CAPN12: variants seen among roughly 807,000 people sequenced by gnomAD.
CAPN12 encodes the protein calpain 12.
A neutral mutation model predicts 95.0 loss-of-function variants in CAPN12; 107 were observed. The observed-to-expected ratio is 1.13, with a 90% CI of 0.96 to 1.32. The LOEUF is 1.32. Ranked by LOEUF, CAPN12 falls within the 40% of genes most tolerant of loss-of-function variation. CAPN12 has a pLI of 0.00. For missense variants in CAPN12, 1,136 were observed against 997.8 expected (o/e 1.14, Z -1.87); for synonymous variants, 505 against 415.5 (o/e 1.22, Z -2.62).
rs1482021831 is a variant in CAPN12 at position 38,731,106 on chromosome 19, C to CAGAAGAT, written c.2068_2074dup (p.Cys692TyrfsTer13). ...CCCCACCATGCCGGGGTGGTACTCA[C>CAGAAGAT]AGAAGATGCAGGTGAGGTGGGCCAC... On this transcript the variant is annotated frameshift_variant and splice_region_variant. Coordinates refer to ENST00000328867, the MANE Select transcript of CAPN12 (RefSeq NM_144691.4). LOFTEE classifies it high-confidence loss of function. The CAGAAGAT allele has an allele frequency of 3.1e-6, 5 of 1,610,232 alleles. No homozygotes were observed. The highest frequency in any genetic ancestry group is 4.2e-6 in the Non-Finnish European group (5 of 1,178,900).
chr19:38,734,352 G>A lies in CAPN12; in HGVS notation c.1782C>T (p.Leu594=), dbSNP rs780294054. The change falls in exon 16 of 21, where the codon CTC becomes CTT. Residue 594 remains leucine, a synonymous_variant. Transcript: ENST00000328867. The stretch of plus-strand genomic sequence containing the variant: ...ACTGCAGCAGCTGCTCACAGGTCCT[G>A]AGCCCGATCTCTCTGGGGGTGGAGG... ...AHTSTPREIG[L]RTCEQLLQCF... The A allele has an allele frequency of 3.1e-6, 5 of 1,607,994 alleles. No individual in the cohort carries two copies. The Admixed American group carries it at 8.4e-5, about 27-fold the overall frequency.
At chr19:38,733,842 C>T in intron 17 of CAPN12, 61 bp from the exon 18 acceptor site, 1 of 1,416,702 alleles carries the variant, frequency 7.1e-7, no homozygotes, top group Non-Finnish European at 9.9e-7. Context: ...GCCAATGGGG[C>T]CTCCCAGGCA....
intron 14 of CAPN12, 176 bp downstream of exon 14, chr19:38,735,194 C>T (rs1025837068): frequency 3.0e-6 from 2 of 661,046 alleles, no homozygotes; most frequent in East Asian, 5.5e-5. Flanking sequence ...GGACTGAGCC[C>T]AAGGCCCTGA....
chr19:38,731,153 G>A lies in CAPN12; in HGVS notation c.2028C>T (p.Asp676=). 1 of 1,613,224 alleles carries A rather than the reference G, an allele frequency of 6.2e-7. No individual in the cohort carries two copies. Among genetic ancestry groups the A allele is most frequent in the Non-Finnish European group, 8.5e-7 (1 of 1,180,008 alleles). ...CCACACAGGACACGAACCGCTCGAA[G>A]TCCACACGCAGACGGCTATCCCGGT... is the stretch of plus-strand genomic sequence containing the variant. ...SRYRDSRLRV[D]FERFVSCVAH... is the part of the protein sequence containing the mutation. Residue 676 remains aspartate (D), a synonymous_variant, in exon 19 of 21, where the codon GAC becomes GAT. Transcript: ENST00000328867.
At chr19:38,739,098 T>C (rs754226987) in intron 5 of CAPN12, 4 of 193,232 alleles carry the variant, frequency 2.1e-5, no homozygotes, top group Non-Finnish European at 3.2e-5. Context: ...ACTACTGCAC[T>C]CTGGCCTGGG....
intron 4 of CAPN12, 100 bp downstream of exon 4, chr19:38,741,677 T>G: frequency 1.4e-6 from 2 of 1,445,992 alleles, no homozygotes; most frequent in East Asian, 2.4e-5. Context: ...TGGTGGGGTG[T>G]TTGGAGGATT....
At chr19:38,731,933 C>A (rs528314584) in intron 18 of CAPN12, among the ~76,000 whole-genome samples, 3 of 152,250 alleles carry the variant, frequency 2.0e-5, no homozygotes, top group Non-Finnish European at 1.5e-5. Context: ...TCTTCCTGCC[C>A]GTGTGACCTG....
At chr19:38,739,885 T>C (rs1253454043) in intron 5 of CAPN12, 166 bp downstream of exon 5, 6 of 661,142 alleles carry the variant, frequency 9.1e-6, no homozygotes, top group Non-Finnish European at 1.4e-5. Context: ...CTGAAGCCCC[T>C]GATTCATGAG....
At position 38,738,448 on chromosome 19, in the gene CAPN12, C is replaced by G. The variant is rs532493230; in HGVS notation, c.860G>C (p.Cys287Ser). ...GCTCCAGGCCCCCGTCCACTCCACGCAGCCCCATGGGTTCCGCAGCCGCAG... is the reference window on the plus strand; with the variant it reads ...GCTCCAGGCCCCCGTCCACTCCACGGAGCCCCATGGGTTCCGCAGCCGCAG... ...RLLRLRNPWGCVEWTGAWSDS... is the reference protein window; with the variant it reads ...RLLRLRNPWGSVEWTGAWSDS... Residue 287 changes from cysteine (C) to serine (S), a missense_variant, in exon 7 of 21, where the codon TGC becomes TCC. Cys to Ser is a moderately radical substitution (Grantham distance 112, BLOSUM62 -1). Coordinates refer to ENST00000328867, the MANE Select transcript of CAPN12 (RefSeq NM_144691.4). 1.9e-6 allele frequency: 3 copies of G among 1,610,174 alleles called. No homozygotes were observed. The East Asian group carries it at 6.7e-5, about 36-fold the overall frequency.
rs1555842719 is a variant in CAPN12, at chr19:38,730,450, C to CTGA, written c.*399_*401dup. The CTGA allele has an allele frequency of 5.4e-5, 11 of 204,622 alleles. No individual in the cohort carries two copies. Among genetic ancestry groups the CTGA allele is most frequent in the Admixed American group, 1.1e-4 (2 of 18,654 alleles). The allele number at this position is 204,622 out of a possible 1,614,324, so 12.7% of individuals were successfully genotyped here. A position where few individuals can be genotyped will look rare whatever the true frequency, so the allele number is the denominator to read the frequency against. ...CCTACCTTTTTTTTTTGAGTTTATT[C>CTGA]TGATTGATTTTTTTTCTTGGTTTCT... On this transcript the variant is annotated 3_prime_UTR_variant, in exon 21 of 21. Coordinates refer to ENST00000328867, the MANE Select transcript of CAPN12 (RefSeq NM_144691.4).
chr19:38,742,968 G>A (rs764575599), intron 2 of CAPN12, 65 bp downstream of exon 2: 76 of 1,500,378 alleles, frequency 5.1e-5, no homozygotes, highest in Non-Finnish European at 7.0e-5. Flanking sequence ...CAAAGGGATG[G>A]AGCTGTCAGG....
chr19:38,736,926 C>CATT (rs1970222675), intron 10 of CAPN12: 1 of 262,490 alleles, frequency 3.8e-6, no homozygotes, highest in Non-Finnish European at 7.0e-6. Context: ...GCCCCCTACT[C>CATT]CCCTCCCAGC....
In CAPN12 at chr19:38,744,399, C is replaced by A. The variant is rs1034409265; in HGVS notation, c.-234G>T. ...AAGGTAGCAGCTTAATGGGCTTGGC[C>A]AGCAGCAGGAGAGAAGGCGGGCAGA... On this transcript the variant is annotated 5_prime_UTR_variant, in exon 1 of 21. Coordinates refer to ENST00000328867, the MANE Select transcript of CAPN12 (RefSeq NM_144691.4). 2.1e-5 allele frequency: 12 copies of A among 581,294 alleles called. No homozygotes were observed. In the African/African-American group the frequency reaches 2.2e-4, roughly 11 times the overall value. The allele number at this position is 581,294 out of a possible 1,614,324, so 36.0% of individuals were successfully genotyped here. A position where few individuals can be genotyped will look rare whatever the true frequency, so the allele number is the denominator to read the frequency against.
intron 14 of CAPN12, 95 bp downstream of exon 14, chr19:38,735,275 C>T (rs1599895315): frequency 1.6e-6 from 2 of 1,287,818 alleles, no homozygotes; most frequent in Non-Finnish European, 2.1e-6. Flanking sequence ...AAAAAGCAAG[C>T]AAAATGAGAC....
chr19:38,741,799 G>A lies in CAPN12; in HGVS notation c.538C>T (p.Leu180Phe), dbSNP rs1443114672. ...SEQRNEFWAP[L>F]LEKAYAKLHG... Reference sequence around the variant, plus strand: ...CACTTGGCGTAGGCCTTCTCCAGGAGTGGGGCCCAGAACTCATTCCGCTGT... The same window carrying A: ...CACTTGGCGTAGGCCTTCTCCAGGAATGGGGCCCAGAACTCATTCCGCTGT... The change falls in exon 4 of 21, where the codon CTC (leucine) becomes TTC (phenylalanine). Residue 180 changes from leucine to phenylalanine, a missense_variant. Transcript: ENST00000328867. 1 of 1,614,070 alleles carries A rather than the reference G, an allele frequency of 6.2e-7. No individual in the cohort carries two copies. The highest frequency in any genetic ancestry group is 1.7e-5 in the Admixed American group (1 of 60,018).
rs1294667262 is a variant in CAPN12 at position 38,735,524 on chromosome 19, C to G, written c.1604G>C (p.Ser535Thr). The part of the protein sequence containing the change: ...HTAVEIDDVI[S>T]ADLQSLQGPY... The stretch of plus-strand genomic sequence containing the variant: ...CACCTGGAGAGACTGCAGGTCTGCG[C>G]TGATCACGTCGTCGATCTCCCTGCA... The change falls in exon 13 of 21, where the codon AGC (serine) becomes ACC (threonine). Residue 535 changes from serine (S) to threonine (T), a missense_variant. Physicochemically the swap from Ser to Thr is moderately conservative, Grantham distance 58. Transcript: ENST00000328867. The G allele has an allele frequency of 1.2e-6, 2 of 1,610,840 alleles. No homozygotes were observed. The highest frequency in any genetic ancestry group is 8.5e-7 in the Non-Finnish European group (1 of 1,179,436).
At position 38,740,177 on chromosome 19, in the gene CAPN12, A is replaced by G; in HGVS notation, c.603T>C (p.Asn201=). 6.2e-7 allele frequency: 1 copy of G among 1,612,650 alleles called. No homozygotes were observed. Among genetic ancestry groups the G allele is most frequent in the African/African-American group, 1.3e-5 (1 of 74,976 alleles). ...CGCCTGTGAAATCCACAAAAGCCTCATTCATGTGGCCGCCCCGCATCACCT... is the reference window on the plus strand; with the variant it reads ...CGCCTGTGAAATCCACAAAAGCCTCGTTCATGTGGCCGCCCCGCATCACCT... ...SYEVMRGGHM[N]EAFVDFTGGV... Residue 201 remains asparagine, a synonymous_variant, in exon 5 of 21, where the codon AAT becomes AAC. Coordinates refer to ENST00000328867, the MANE Select transcript of CAPN12 (RefSeq NM_144691.4).
Position 38,738,593 on chromosome 19 carries a change from G to A in CAPN12, c.785C>T (p.Ser262Phe). Residue 262 changes from serine to phenylalanine, a missense_variant, in exon 6 of 21, where the codon TCC becomes TTC. Ser to Phe is a radical substitution (Grantham distance 155). Coordinates refer to ENST00000328867, the MANE Select transcript of CAPN12 (RefSeq NM_144691.4). ...EEGLVKGHAYSITGTHKVFLG... is the reference protein window; with the variant it reads ...EEGLVKGHAYFITGTHKVFLG... Reference sequence around the variant, plus strand: ...ACTTACCTTGTGTGTGCCCGTGATGGAATACGCGTGTCCCTTTACCAGGCC... The same window carrying A: ...ACTTACCTTGTGTGTGCCCGTGATGAAATACGCGTGTCCCTTTACCAGGCC... 6.2e-7 allele frequency: 1 copy of A among 1,614,032 alleles called. No individual in the cohort carries two copies. The highest frequency in any genetic ancestry group is 1.1e-5 in the South Asian group (1 of 91,086).
At chr19:38,734,599 C>A (rs1162423852) in intron 15 of CAPN12, 2 of 652,014 alleles carry the variant, frequency 3.1e-6, no homozygotes, top group Non-Finnish European at 5.2e-6. Context: ...GGCAGCCTTG[C>A]CTTTCAGCGG....
Sources: gnomAD v4.1 joint callset for allele counts (sites outside exome capture counted in the v4.1 genomes callset) on GRCh38, gnomAD v4.1.1 for gene constraint, MANE v1.5 for transcripts, NCBI Gene and HGNC (gene_info 2026-07-23, HGNC 2026-07-21) for gene names.